The following PLCL1 variants were observed in gnomAD, a reference collection of about 807,000 sequenced individuals.
PLCL1 encodes the protein inactive phospholipase C-like protein 1.
In PLCL1, 41 loss-of-function variants were observed where a neutral mutation model predicts 84.4. That is an observed-to-expected ratio of 0.49 (90% CI 0.38 to 0.63). The LOEUF is 0.63. PLCL1 is among the 30% of genes least tolerant of loss of function. The pLI is 0.00. For missense variants in PLCL1, 1,206 were observed against 1,367.8 expected (o/e 0.88, Z 1.87); for synonymous variants, 490 against 488.3 (o/e 1.00, Z -0.05).
chr2:198,088,552 CT>C (rs1049753322), intron 2 of PLCL1, among the ~76,000 whole-genome samples: 3 of 152,182 alleles, frequency 2.0e-5, no homozygotes, highest in African/African-American at 7.2e-5. Flanking sequence ...TGTACAACCC[CT>C]GCCATTCTGT....
At chr2:198,101,263 T>TAAA (rs1309877209) in intron 3 of PLCL1, 22 bp from the exon 4 acceptor site, 1 of 1,476,686 alleles carries the variant, frequency 6.8e-7, no homozygotes, top group South Asian at 1.2e-5. Context: ...CAACCACCTT[T>TAAA]TTGATGTTTA....
In PLCL1 at chr2:198,084,067, A is replaced by C; in HGVS notation, c.550A>C (p.Ile184Leu). ...TFRNNGLADQ[I>L]CEDCAFSILH... The stretch of plus-strand genomic sequence containing the variant: ...TAGAAACAATGGCCTTGCTGACCAG[A>C]TCTGTGAGGACTGTGCCTTTTCCAT... Residue 184 changes from isoleucine (I) to leucine (L), a missense_variant, in exon 2 of 6, where the codon ATC becomes CTC. Transcript: ENST00000428675. 1 of 1,614,178 alleles carries C rather than the reference A, an allele frequency of 6.2e-7. No individual in the cohort carries two copies. Among genetic ancestry groups the C allele is most frequent in the Non-Finnish European group, 8.5e-7 (1 of 1,180,004 alleles).
chr2:197,887,127 C>T (rs1687937509), intron 1 of PLCL1, among the ~76,000 whole-genome samples: 1 of 152,180 alleles, frequency 6.6e-6, no homozygotes, highest in Admixed American at 6.5e-5. Flanking sequence ...TCTTTCCAGA[C>T]ATATTTTATT....
intron 1 of PLCL1, among the ~76,000 whole-genome samples, chr2:197,936,131 A>AC (rs60500144): frequency 0.13 from 17,978 of 133,612 alleles, 3,097 homozygotes; most frequent in African/African-American, 0.41. Context: ...TATATTAAAC[A>AC]CCCCCCCCCT....
chr2:198,120,185 AT>A (rs1158884953), intron 5 of PLCL1, among the ~76,000 whole-genome samples: 4 of 152,070 alleles, frequency 2.6e-5, no homozygotes, highest in African/African-American at 7.2e-5. Context: ...CTTAAAAAAA[AT>A]AATTTTTGTG....
intron 1 of PLCL1, among the ~76,000 whole-genome samples, chr2:197,928,629 G>C (rs1046626682): frequency 1.3e-5 from 2 of 152,124 alleles, no homozygotes; most frequent in East Asian, 3.8e-4. Flanking sequence ...AATTCTAAAA[G>C]TATTTATGAA....
In PLCL1 at chr2:197,932,369, ATTTAAT is replaced by A. The variant is rs1688953725; in HGVS notation, c.240+127036_240+127041del. On this transcript the variant is annotated intron_variant, in intron 1 of 5. Transcript: ENST00000428675. ...TTGACAACTATTTTTTAAAAATTTAATTTAATTTTAAGTTCTGGGACACGTGCAGGA... is the reference window on the plus strand; with the variant it reads ...TTGACAACTATTTTTTAAAAATTTAATTTAAGTTCTGGGACACGTGCAGGA... Among the ~76,000 whole-genome samples, 4 of 152,124 alleles carry A rather than the reference ATTTAAT, an allele frequency of 2.6e-5. 1 individual carries two copies. In the South Asian group the frequency reaches 8.3e-4, roughly 31 times the overall value.
Position 198,056,595 on chromosome 2 carries a change from G to A in PLCL1, c.241-27163G>A, listed in dbSNP as rs144135147. Among the ~76,000 whole-genome samples the A allele has an allele frequency of 8.1e-4, 123 of 152,330 alleles. No individual in the cohort carries two copies. In the East Asian group the frequency reaches 0.019, roughly 24 times the overall value. ...AATGAAACCACCACGAAGACCTGTT[G>A]TGAGGGGAAAATAGGATCGTGTGTG... On this transcript the variant is annotated intron_variant, in intron 1 of 5. Transcript: ENST00000428675.
intron 1 of PLCL1, among the ~76,000 whole-genome samples, chr2:197,983,230 T>TG (rs1690155205): frequency 2.2e-5 from 1 of 44,680 alleles, no homozygotes; most frequent in African/African-American, 1.1e-4. Context: ...TTTTTTTTTT[T>TG]TTTTTTTTTG....
chr2:198,079,530 A>G (rs956657574), intron 1 of PLCL1, among the ~76,000 whole-genome samples: 1 of 152,224 alleles, frequency 6.6e-6, no homozygotes, highest in South Asian at 2.1e-4. Context: ...TAAATGTAAT[A>G]GAAACAGTGC....
chr2:197,836,615 G>A (rs899849460), intron 1 of PLCL1, among the ~76,000 whole-genome samples: 5 of 152,148 alleles, frequency 3.3e-5, no homozygotes, highest in African/African-American at 4.8e-5. Context: ...AGGAGTCAAA[G>A]AGTATTTAAA....
intron 1 of PLCL1, among the ~76,000 whole-genome samples, chr2:198,020,206 C>T (rs954515572): frequency 6.6e-6 from 1 of 152,128 alleles, no homozygotes; most frequent in Non-Finnish European, 1.5e-5. Context: ...TTTGTCACCA[C>T]CAGGCCTGAC....
At chr2:198,019,181 G>A (rs1343349288) in intron 1 of PLCL1, among the ~76,000 whole-genome samples, 1 of 152,168 alleles carries the variant, frequency 6.6e-6, no homozygotes, top group African/African-American at 2.4e-5. Flanking sequence ...AAAAGCAGTA[G>A]CATCAACATC....
intron 1 of PLCL1, among the ~76,000 whole-genome samples, chr2:198,060,908 C>T (rs749490831): frequency 6.6e-6 from 1 of 152,034 alleles, no homozygotes; most frequent in African/African-American, 2.4e-5. Flanking sequence ...AGGATCAATG[C>T]ACTGATATTG....
At chr2:197,986,978 AACT>A (rs1274250925) in intron 1 of PLCL1, among the ~76,000 whole-genome samples, 1 of 152,196 alleles carries the variant, frequency 6.6e-6, no homozygotes, top group East Asian at 1.9e-4. Context: ...AAGGCCATAC[AACT>A]CTAAAGGGTG....
chr2:197,847,300 A>G (rs1006527040), intron 1 of PLCL1, among the ~76,000 whole-genome samples: 1 of 152,176 alleles, frequency 6.6e-6, no homozygotes, highest in Non-Finnish European at 1.5e-5. Context: ...AAAAAAGTTT[A>G]ACAATATGAA....
chr2:198,060,167 CA>C (rs1692158064), intron 1 of PLCL1, among the ~76,000 whole-genome samples: 1 of 152,158 alleles, frequency 6.6e-6, no homozygotes, highest in Non-Finnish European at 1.5e-5. Flanking sequence ...CAGAAACGAC[CA>C]TTCACTTAAA....
chr2:197,875,677 A>C (rs1442378712), intron 1 of PLCL1, among the ~76,000 whole-genome samples: 3 of 151,990 alleles, frequency 2.0e-5, no homozygotes, highest in African/African-American at 7.2e-5. Context: ...TTATTTCCTC[A>C]GGGAAATATG....
intron 1 of PLCL1, among the ~76,000 whole-genome samples, chr2:198,048,460 ATTGAC>A (rs1691856092): frequency 6.6e-6 from 1 of 152,214 alleles, no homozygotes; most frequent in African/African-American, 2.4e-5. Context: ...GGAAAAGAGG[ATTGAC>A]CTGGCTCACA....
Sources: gnomAD v4.1 joint callset for allele counts (sites outside exome capture counted in the v4.1 genomes callset) on GRCh38, gnomAD v4.1.1 for gene constraint, MANE v1.5 for transcripts, NCBI Gene and HGNC (gene_info 2026-07-23, HGNC 2026-07-21) for gene names.